The following POLR3G variants were observed in gnomAD, a reference collection of about 807,000 sequenced individuals.
POLR3G encodes DNA-directed RNA polymerase III subunit RPC7.
A neutral mutation model predicts 30.1 loss-of-function variants in POLR3G; 28 were observed. The observed-to-expected ratio is 0.93, with a 90% CI of 0.69 to 1.27. The LOEUF is 1.27. Among genes scored for constraint, POLR3G ranks in the 50% most tolerant of loss-of-function variants. The pLI is 0.00. For synonymous variants in POLR3G, 79 were observed against 82.5 expected (o/e 0.96, Z 0.23); for missense variants, 254 against 264.6 (o/e 0.96, Z 0.28).
intron 1 of POLR3G, among the ~76,000 whole-genome samples, chr5:90,480,716 A>G (rs1389267712): frequency 6.6e-6 from 1 of 152,150 alleles, no homozygotes; most frequent in Admixed American, 6.5e-5. Flanking sequence ...CATGATGAGG[A>G]AAGTCTGGTA....
At chr5:90,479,884 A>T (rs1276325864) in intron 1 of POLR3G, among the ~76,000 whole-genome samples, 3 of 152,202 alleles carry the variant, frequency 2.0e-5, no homozygotes, top group Non-Finnish European at 4.4e-5. Flanking sequence ...TGAGGAGAGT[A>T]GCAGAATCAA....
At chr5:90,501,247 GTATTTT>G (rs1252005045) in intron 5 of POLR3G, among the ~76,000 whole-genome samples, 3 of 152,084 alleles carry the variant, frequency 2.0e-5, no homozygotes, top group South Asian at 2.1e-4. Context: ...TAAGGCAGAA[GTATTTT>G]TATTTTATTT....
At chr5:90,493,509 A>AAGTGCTGG (rs1180754504) in intron 3 of POLR3G, among the ~76,000 whole-genome samples, 1 of 151,720 alleles carries the variant, frequency 6.6e-6, no homozygotes, top group Admixed American at 6.6e-5. Flanking sequence ...TGGCCTCCCA[A>AAGTGCTGG]AGTGCTGGGA....
At chr5:90,511,003 T>G (rs1416488752) in intron 7 of POLR3G, among the ~76,000 whole-genome samples, 1 of 152,132 alleles carries the variant, frequency 6.6e-6, no homozygotes, top group African/African-American at 2.4e-5. Flanking sequence ...CTCAATCATG[T>G]GCAAAAATGT....
At chr5:90,511,631 T>A (rs63406160) in intron 7 of POLR3G, among the ~76,000 whole-genome samples, 47 of 142,894 alleles carry the variant, frequency 3.3e-4, no homozygotes, top group African/African-American at 1.2e-3. Context: ...TTTTTTTTTT[T>A]AATAGGAAGT....
At chr5:90,474,627 C>T (rs1378013455), upstream of POLR3G, 4 of 333,138 alleles carry the variant, frequency 1.2e-5, no homozygotes, top group Admixed American at 1.5e-4. Flanking sequence ...AATGGAGACT[C>T]AGGTGGCGAC....
chr5:90,499,260 T>G (rs540628356), intron 5 of POLR3G, among the ~76,000 whole-genome samples: 50 of 152,098 alleles, frequency 3.3e-4, no homozygotes, highest in African/African-American at 1.2e-3. Flanking sequence ...TGCCAACATT[T>G]AATGGGCTGG....
intron 1 of POLR3G, among the ~76,000 whole-genome samples, chr5:90,475,922 G>T (rs1234315378): frequency 1.3e-5 from 2 of 152,052 alleles, no homozygotes; most frequent in Non-Finnish European, 2.9e-5. Flanking sequence ...TGTTGGCCAG[G>T]CTGGTCTTGA....
At chr5:90,511,443 G>A (rs540386896) in intron 7 of POLR3G, among the ~76,000 whole-genome samples, 75 of 152,178 alleles carry the variant, frequency 4.9e-4, no homozygotes, top group Non-Finnish European at 8.8e-4. Context: ...TAAGATACTG[G>A]AGGCCCGGAA....
intron 7 of POLR3G, among the ~76,000 whole-genome samples, chr5:90,508,599 C>T (rs1017682350): frequency 7.9e-5 from 12 of 151,704 alleles, no homozygotes; most frequent in African/African-American, 2.9e-4. Context: ...CCACCATTAG[C>T]TCTTTTCAAT....
At chr5:90,509,590 T>C (rs1449396635) in intron 7 of POLR3G, among the ~76,000 whole-genome samples, 2 of 152,204 alleles carry the variant, frequency 1.3e-5, no homozygotes. Context: ...TCAAAGATGA[T>C]ATTTCAAAGA....
intron 1 of POLR3G, among the ~76,000 whole-genome samples, chr5:90,481,305 G>C (rs893086561): frequency 4.0e-5 from 6 of 150,096 alleles, no homozygotes. Context: ...AGGAAAGAGA[G>C]AGCATCCCTT....
At chr5:90,483,188 G>A (rs995835817) in intron 1 of POLR3G, among the ~76,000 whole-genome samples, 22 of 151,602 alleles carry the variant, frequency 1.5e-4, no homozygotes, top group Admixed American at 1.4e-3. Context: ...AGTTTTCGGG[G>A]AAACTGATTT....
chr5:90,494,299 C>T (rs533947310), intron 3 of POLR3G, among the ~76,000 whole-genome samples: 1 of 152,216 alleles, frequency 6.6e-6, no homozygotes, highest in South Asian at 2.1e-4. Flanking sequence ...TTTGTTTATC[C>T]ACTCATCACT....
upstream of POLR3G, chr5:90,474,621 G>A: frequency 5.7e-6 from 2 of 351,926 alleles, no homozygotes; most frequent in South Asian, 5.5e-5. Context: ...CAGCAGAATG[G>A]AGACTCAGGT....
chr5:90,512,022 C>T (rs115689118), intron 7 of POLR3G, 31 bp from the exon 8 acceptor site: 490 of 1,395,804 alleles, frequency 3.5e-4, no homozygotes, highest in Middle Eastern at 1.4e-3. Context: ...TTCATTTTAA[C>T]GTTTACAAAG....
chr5:90,511,539 G>T (rs921247950), intron 7 of POLR3G, among the ~76,000 whole-genome samples: 4 of 151,458 alleles, frequency 2.6e-5, no homozygotes, highest in African/African-American at 9.7e-5. Flanking sequence ...GTCTTATTCA[G>T]CCACAAGAAA....
rs1290660322 is a variant in POLR3G at position 90,512,110 on chromosome 5, G to T, written c.643G>T (p.Asp215Tyr). Reference sequence around the variant, plus strand: ...TGGAGATGATTTTGGCGCAGACAGTGATGACAACATGGATGAGGCAACCTA... The same window carrying T: ...TGGAGATGATTTTGGCGCAGACAGTTATGACAACATGGATGAGGCAACCTA... ...EDGDDFGADS[D>Y]DNMDEATY Residue 215 changes from aspartate to tyrosine, a missense_variant, in exon 8 of 8, where the codon GAT (aspartate) becomes TAT (tyrosine). Asp to Tyr is a radical substitution (Grantham distance 160, BLOSUM62 -3). Transcript: ENST00000651687. 1 of 1,608,928 alleles carries T rather than the reference G, an allele frequency of 6.2e-7. No homozygotes were observed. The highest frequency in any genetic ancestry group is 1.7e-5 in the Admixed American group (1 of 60,012).
In POLR3G at chr5:90,502,002, C is replaced by T. The variant is rs1222189955; in HGVS notation, c.438+14C>T. ...AAAAAAATGGAGGTAAGGTTTTCTT[C>T]TTACTATACAAGTGAACTGAAAAAA... is the stretch of plus-strand genomic sequence containing the variant. On this transcript the variant is annotated intron_variant, in intron 6 of 7. Transcript: ENST00000651687. The T allele has an allele frequency of 1.2e-6, 2 of 1,609,324 alleles. No homozygotes were observed. Among genetic ancestry groups the T allele is most frequent in the Non-Finnish European group, 1.7e-6 (2 of 1,177,538 alleles).
Sources: gnomAD v4.1 joint callset for allele counts (sites outside exome capture counted in the v4.1 genomes callset) on GRCh38, gnomAD v4.1.1 for gene constraint, MANE v1.5 for transcripts, NCBI Gene and HGNC (gene_info 2026-07-23, HGNC 2026-07-21) for gene names.